SPAG9: variants seen among roughly 807,000 people sequenced by gnomAD.
SPAG9 encodes the protein sperm associated antigen 9.
Under a neutral mutation model 166.5 loss-of-function variants are expected in SPAG9, and 35 were observed. That is an observed-to-expected ratio of 0.21 (90% CI 0.16 to 0.28). The LOEUF (loss-of-function observed/expected upper bound fraction) is 0.28. Ranked by LOEUF, SPAG9 falls within the 10% of genes least tolerant of loss-of-function variation. SPAG9 has a pLI of 1.00. For missense variants in SPAG9, 1,235 were observed against 1,603.3 expected (o/e 0.77, Z 3.92); for synonymous variants, 534 against 565.5 (o/e 0.94, Z 0.79).
At position 51,099,377 on chromosome 17, in the gene SPAG9, G is replaced by A. The variant is rs537845645; in HGVS notation, c.304-19673C>T. Among the ~76,000 whole-genome samples, 3 of 145,796 alleles carry A rather than the reference G, an allele frequency of 2.1e-5. No homozygotes were observed. The East Asian group carries it at 6.0e-4, about 29-fold the overall frequency. On this transcript the variant is annotated intron_variant, in intron 1 of 29. Coordinates refer to ENST00000262013, the MANE Select transcript of SPAG9 (RefSeq NM_001130528.3). ...GAACCCAGGAGGCGGAGGTTGCAGT[G>A]AGCCGAGATAGCGCCATTGCACTCC...
intron 1 of SPAG9, among the ~76,000 whole-genome samples, chr17:51,096,461 A>G (rs1598174876): frequency 6.6e-6 from 1 of 152,158 alleles, no homozygotes; most frequent in Admixed American, 6.6e-5. Context: ...ATACAAGAAA[A>G]TAAGAAGTCT....
chr17:51,086,244 C>T (rs1292843050), intron 1 of SPAG9, among the ~76,000 whole-genome samples: 4 of 151,760 alleles, frequency 2.6e-5, no homozygotes, highest in African/African-American at 7.2e-5. Flanking sequence ...CCTCCCAAAG[C>T]GCTGGGATTA....
At chr17:51,039,446 C>T (rs2046745161) in intron 5 of SPAG9, among the ~76,000 whole-genome samples, 1 of 152,164 alleles carries the variant, frequency 6.6e-6, no homozygotes, top group South Asian at 2.1e-4. Flanking sequence ...ACATGATTTA[C>T]AAACTAGACT....
chr17:51,081,972 A>T (rs1328518470), intron 1 of SPAG9, among the ~76,000 whole-genome samples: 1 of 152,132 alleles, frequency 6.6e-6, no homozygotes, highest in Non-Finnish European at 1.5e-5. Context: ...CCTACTACCT[A>T]GAATTCTCTT....
At chr17:51,021,511 A>G in intron 6 of SPAG9, 146 bp from the exon 7 acceptor site, 1 of 613,930 alleles carries the variant, frequency 1.6e-6, no homozygotes, top group Non-Finnish European at 2.8e-6. Context: ...ATTACCGGTA[A>G]GTACTCTCTT....
intron 1 of SPAG9, among the ~76,000 whole-genome samples, chr17:51,083,842 G>A (rs917622197): frequency 6.6e-6 from 1 of 151,852 alleles, no homozygotes; most frequent in South Asian, 2.1e-4. Flanking sequence ...CAGAAAAAAC[G>A]CCCCCGCCCA....
intron 2 of SPAG9, among the ~76,000 whole-genome samples, chr17:51,062,869 C>T (rs899711040): frequency 6.6e-6 from 1 of 152,100 alleles, no homozygotes; most frequent in African/African-American, 2.4e-5. Context: ...GGATTACAGG[C>T]GTGAGCCACC....
intron 1 of SPAG9, among the ~76,000 whole-genome samples, chr17:51,100,032 G>C (rs181471845): frequency 4.6e-5 from 7 of 152,010 alleles, no homozygotes; most frequent in African/African-American, 1.7e-4. Flanking sequence ...CCTGGGAGGC[G>C]GGAGTTGCAA....
chr17:51,098,554 G>C (rs1042009098), intron 1 of SPAG9, among the ~76,000 whole-genome samples: 3 of 151,986 alleles, frequency 2.0e-5, no homozygotes, highest in Non-Finnish European at 4.4e-5. Context: ...GTGCAGTGGT[G>C]TGATCTCGGC....
chr17:50,987,024 G>A, intron 22 of SPAG9, 88 bp downstream of exon 22: 1 of 1,306,584 alleles, frequency 7.7e-7, no homozygotes. Flanking sequence ...CACACTTTTT[G>A]TATTTGTTTA....
At position 51,120,434 on chromosome 17, in the gene SPAG9, G is replaced by C; in HGVS notation, c.223C>G (p.Leu75Val). ...FAQDQEHQVELELLRDDNEQL... is the reference protein window; with the variant it reads ...FAQDQEHQVEVELLRDDNEQL... ...TCGTTGTCGTCCCGCAGCAGCTCCA[G>C]CTCCACCTGGTGCTCCTGGTCCTGC... Residue 75 changes from leucine to valine, a missense_variant, in exon 1 of 30, where the codon CTG becomes GTG. Leu to Val is a conservative substitution (Grantham distance 32, BLOSUM62 1). Transcript: ENST00000262013. This position sits in a 1 kb window ranked among gnomAD's most constrained non-coding sequence, Gnocchi z 4.7. 6.2e-7 allele frequency: 1 copy of C among 1,613,562 alleles called. No individual in the cohort carries two copies. Among genetic ancestry groups the C allele is most frequent in the Middle Eastern group, 1.7e-4 (1 of 6,058 alleles).
chr17:51,023,422 C>A, intron 6 of SPAG9: 1 of 231,494 alleles, frequency 4.3e-6, no homozygotes, highest in Non-Finnish European at 8.9e-6. Context: ...AGCTTTAGAT[C>A]CACCTTGGCT....
At chr17:50,970,916 T>A in intron 28 of SPAG9, 60 bp from the exon 29 acceptor site, 1 of 1,450,904 alleles carries the variant, frequency 6.9e-7, no homozygotes, top group Non-Finnish European at 9.4e-7. Context: ...CTGTTTTGTT[T>A]TTTTTTTTTA....
At position 50,975,445 on chromosome 17, in the gene SPAG9, G is replaced by C. The variant is rs1974141607; in HGVS notation, c.3524-498C>G. 1.5e-5 allele frequency: 3 copies of C among 206,684 alleles called. No homozygotes were observed. The South Asian group carries it at 2.6e-4, about 18-fold the overall frequency. The allele number at this position is 206,684 out of a possible 1,614,324, so 12.8% of individuals were successfully genotyped here. On this transcript the variant is annotated intron_variant, in intron 27 of 29. Coordinates refer to ENST00000262013, the MANE Select transcript of SPAG9 (RefSeq NM_001130528.3). ...TTACAAGAATCCAGCCACTACAATA[G>C]AGCAGCTTTTATTGATACCAGACTG...
chr17:51,053,867 A>G (rs1199840409), intron 3 of SPAG9, among the ~76,000 whole-genome samples: 1 of 82,234 alleles, frequency 1.2e-5, no homozygotes, highest in Non-Finnish European at 2.2e-5. Flanking sequence ...ATATATATAT[A>G]TATATATATA....
intron 13 of SPAG9, among the ~76,000 whole-genome samples, 171 bp downstream of exon 13, chr17:51,001,544 C>T (rs1472113236): frequency 1.3e-5 from 2 of 152,154 alleles, no homozygotes; most frequent in Non-Finnish European, 2.9e-5. Context: ...CAAAAAGCAC[C>T]TCCTTTGATC....
At chr17:51,064,720 TA>T (rs1185732458) in intron 2 of SPAG9, among the ~76,000 whole-genome samples, 4 of 152,070 alleles carry the variant, frequency 2.6e-5, no homozygotes, top group Non-Finnish European at 4.4e-5. Context: ...GTGTAACAGG[TA>T]TGAGGGGGTG....
At chr17:50,990,373 TA>T in intron 20 of SPAG9, 76 bp downstream of exon 20, 1 of 1,096,732 alleles carries the variant, frequency 9.1e-7, no homozygotes, top group Non-Finnish European at 1.4e-6. Flanking sequence ...ACTTAAGATC[TA>T]AATTAAGTCC....
intron 4 of SPAG9, 136 bp downstream of exon 4, chr17:51,047,239 G>T: frequency 1.7e-6 from 1 of 581,926 alleles, no homozygotes; most frequent in Non-Finnish European, 2.9e-6. Context: ...ATTCTCTCCT[G>T]CAGCATTCCA....
Sources: allele counts gnomAD v4.1 joint callset (sites outside exome capture counted in the v4.1 genomes callset), GRCh38; gene constraint gnomAD v4.1.1; non-coding constraint Gnocchi (gnomAD v3.1); transcripts MANE v1.5; gene names NCBI Gene and HGNC (gene_info 2026-07-23, HGNC 2026-07-21).